Variants in DACH1 observed in about 807,000 individuals in gnomAD.
The protein encoded by DACH1 is dachshund homolog 1.
A neutral mutation model predicts 54.2 loss-of-function variants in DACH1; 12 were observed. That is an observed-to-expected ratio of 0.22 (90% CI 0.14 to 0.36). The LOEUF (loss-of-function observed/expected upper bound fraction) is 0.36. Ranked by LOEUF, DACH1 falls within the 10% of genes least tolerant of loss-of-function variation. DACH1 has a pLI of 1.00. For missense variants in DACH1, 805 were observed against 929.8 expected (o/e 0.87, Z 1.75); for synonymous variants, 386 against 366.2 (o/e 1.05, Z -0.62).
At chr13:71,529,144 G>A (rs1475393214) in intron 6 of DACH1, among the ~76,000 whole-genome samples, 1 of 147,782 alleles carries the variant, frequency 6.8e-6, no homozygotes, top group Non-Finnish European at 1.5e-5. Flanking sequence ...TTACTGTTAT[G>A]TGATTTCACA....
At chr13:71,499,881 C>T (rs887762780) in intron 6 of DACH1, among the ~76,000 whole-genome samples, 1 of 152,082 alleles carries the variant, frequency 6.6e-6, no homozygotes, top group African/African-American at 2.4e-5. Flanking sequence ...AATGCACTCC[C>T]TTTTAAAACA....
intron 3 of DACH1, among the ~76,000 whole-genome samples, chr13:71,601,883 A>G (rs1321549666): frequency 6.6e-6 from 1 of 152,026 alleles, no homozygotes; most frequent in Non-Finnish European, 1.5e-5. Flanking sequence ...TACATATTTT[A>G]TATATATTAT....
chr13:71,672,752 G>A (rs1008385165), intron 2 of DACH1, among the ~76,000 whole-genome samples: 2 of 152,044 alleles, frequency 1.3e-5, no homozygotes, highest in African/African-American at 2.4e-5. Flanking sequence ...AAATTATAGC[G>A]AGCAATAAAA....
In DACH1 at chr13:71,705,625, C is replaced by A. The variant is rs889577453; in HGVS notation, c.849-23715G>T. Reference sequence around the variant, plus strand: ...ATCAATGAATGTATAGGCAGATAGGCAATTTGTTAGCTACCAAAGAAACTC... The same window carrying A: ...ATCAATGAATGTATAGGCAGATAGGAAATTTGTTAGCTACCAAAGAAACTC... On this transcript the variant is annotated intron_variant, in intron 1 of 10. Transcript: ENST00000613252. Among the ~76,000 whole-genome samples, 11 of 152,228 alleles carry A rather than the reference C, an allele frequency of 7.2e-5. No homozygotes were observed. The East Asian group carries it at 2.1e-3, about 29-fold the overall frequency.
chr13:71,475,449 T>C, intron 9 of DACH1, among the ~76,000 whole-genome samples: 1 of 152,196 alleles, frequency 6.6e-6, no homozygotes, highest in Non-Finnish European at 1.5e-5. Flanking sequence ...TATTTTATTG[T>C]GCTTCAGTAG....
chr13:71,755,040 A>G (rs1456797133), intron 1 of DACH1, among the ~76,000 whole-genome samples: 2 of 152,086 alleles, frequency 1.3e-5, no homozygotes, highest in Non-Finnish European at 2.9e-5. Context: ...AACTTTGTCT[A>G]TGAGTTTTAT....
chr13:71,809,762 T>C (rs1168725471), intron 1 of DACH1, among the ~76,000 whole-genome samples: 3 of 152,148 alleles, frequency 2.0e-5, no homozygotes, highest in Non-Finnish European at 4.4e-5. Context: ...GCCTTATAAG[T>C]GTAGAGGTAG....
rs372488543 is a variant in DACH1, at chr13:71,866,733, G to A, written c.37C>T (p.Leu13=). ...VPAALIPPTQ[L]VPPQPPISTS... is the part of the protein sequence containing the mutation. ...GAGATTGGGGGTTGAGGGGGGACCA[G>A]CTGGGTCGGAGGGATCAAAGCCGCC... is the stretch of plus-strand genomic sequence containing the variant. The change falls in exon 1 of 11, where the codon CTG becomes TTG. Residue 13 remains leucine (L), a synonymous_variant. Transcript: ENST00000613252. 2.5e-5 allele frequency: 36 copies of A among 1,439,384 alleles called. No homozygotes were observed. In the African/African-American group the frequency reaches 5.0e-4, roughly 20 times the overall value. 89.2% of individuals were successfully genotyped at this position (1,439,384 alleles called of 1,614,324 possible).
At chr13:71,653,511 T>G (rs1878828398) in intron 2 of DACH1, among the ~76,000 whole-genome samples, 1 of 152,180 alleles carries the variant, frequency 6.6e-6, no homozygotes, top group Admixed American at 6.5e-5. Context: ...TCTAAGGCTT[T>G]TACCTACTGT....
intron 1 of DACH1, among the ~76,000 whole-genome samples, chr13:71,692,175 T>A (rs1881514923): frequency 6.6e-6 from 1 of 152,242 alleles, no homozygotes; most frequent in East Asian, 1.9e-4. Context: ...TAAAATTCAA[T>A]AAATGTAAAT....
intron 2 of DACH1, among the ~76,000 whole-genome samples, chr13:71,673,890 A>T (rs554713819): frequency 1.3e-5 from 2 of 152,294 alleles, no homozygotes; most frequent in African/African-American, 4.8e-5. Flanking sequence ...CATAACCTAT[A>T]AACAAACAAA....
intron 1 of DACH1, among the ~76,000 whole-genome samples, chr13:71,784,905 A>C (rs964458310): frequency 6.6e-6 from 1 of 152,178 alleles, no homozygotes; most frequent in African/African-American, 2.4e-5. Flanking sequence ...CAATGTATGG[A>C]TCCTAATTGA....
At chr13:71,460,397 C>T (rs75091568) in intron 10 of DACH1, among the ~76,000 whole-genome samples, 1,734 of 151,964 alleles carry the variant, frequency 0.011, 29 homozygotes, top group African/African-American at 0.039. Flanking sequence ...TGTGAAATTA[C>T]GAGATGAGGA....
At chr13:71,453,119 C>T (rs986844508) in intron 10 of DACH1, among the ~76,000 whole-genome samples, 4 of 152,138 alleles carry the variant, frequency 2.6e-5, no homozygotes, top group Admixed American at 6.5e-5. Context: ...GAATGGGGTA[C>T]TTTGCACTTA....
intron 1 of DACH1, among the ~76,000 whole-genome samples, chr13:71,771,151 G>A (rs954724219): frequency 2.6e-5 from 4 of 151,030 alleles, no homozygotes; most frequent in African/African-American, 4.8e-5. Context: ...AAGTTACATA[G>A]AAAATAAAGT....
intron 1 of DACH1, among the ~76,000 whole-genome samples, chr13:71,706,809 C>T (rs999538122): frequency 6.6e-6 from 1 of 152,024 alleles, no homozygotes; most frequent in African/African-American, 2.4e-5. Context: ...ACTGTATGTC[C>T]TAGAATTATT....
intron 6 of DACH1, among the ~76,000 whole-genome samples, chr13:71,521,322 T>A (rs563279287): frequency 6.6e-6 from 1 of 152,076 alleles, no homozygotes; most frequent in East Asian, 1.9e-4. Context: ...TTTCTTTCTG[T>A]CCCCTTTATA....
chr13:71,571,191 C>A (rs1885170793), intron 4 of DACH1, among the ~76,000 whole-genome samples: 2 of 152,112 alleles, frequency 1.3e-5, no homozygotes, highest in Non-Finnish European at 2.9e-5. Flanking sequence ...TGAGATGATT[C>A]TTTATAGTAA....
chr13:71,860,437 G>C (rs12585281), intron 1 of DACH1, among the ~76,000 whole-genome samples: 1 of 146,868 alleles, frequency 6.8e-6, no homozygotes, highest in Non-Finnish European at 1.5e-5. Flanking sequence ...TTATTCTAAA[G>C]ATATATAACT....
Sources: allele counts gnomAD v4.1 joint callset (sites outside exome capture counted in the v4.1 genomes callset), GRCh38; gene constraint gnomAD v4.1.1; transcripts MANE v1.5; gene names NCBI Gene and HGNC (gene_info 2026-07-23, HGNC 2026-07-21).